Variants in TCEA2 observed in about 807,000 individuals in gnomAD.
TCEA2 encodes transcription elongation factor A protein 2.
A neutral mutation model predicts 40.8 loss-of-function variants in TCEA2; 21 were observed. That is an observed-to-expected ratio of 0.51 (90% CI 0.36 to 0.74). The LOEUF (loss-of-function observed/expected upper bound fraction) is 0.74. Ranked by LOEUF, TCEA2 falls within the 30% of genes least tolerant of loss-of-function variation. The pLI, the probability that TCEA2 is intolerant of heterozygous loss-of-function variation, is 0.00. For missense variants in TCEA2, 326 were observed against 426.5 expected (o/e 0.76, Z 2.08); for synonymous variants, 165 against 162.7 (o/e 1.01, Z -0.11).
At chr20:64,062,598 C>T (rs574281069), upstream of TCEA2, 1 of 152,364 alleles carries the variant, frequency 6.6e-6, no homozygotes, top group African/African-American at 2.4e-5. Flanking sequence ...CACGCAGCCT[C>T]GGCAGAGGCC....
chr20:64,060,000 C>T (rs371128720), upstream of TCEA2, among the ~76,000 whole-genome samples: 31 of 152,306 alleles, frequency 2.0e-4, no homozygotes, highest in African/African-American at 7.0e-4. Context: ...CCCCAGACCC[C>T]GCCCCACCAA....
At position 64,066,543 on chromosome 20, in the gene TCEA2, G is replaced by T; in HGVS notation, c.135+5G>T. On this transcript the variant is annotated splice_donor_5th_base_variant and intron_variant, in intron 2 of 9. Transcript: ENST00000343484. The stretch of plus-strand genomic sequence containing the variant: ...ATCACGCTGCACCTGCTCCAGGTAG[G>T]TCCCTGCCTGCCCCAGGTCCAGGAC... 6.2e-7 allele frequency: 1 copy of T among 1,613,134 alleles called. No homozygotes were observed. The highest frequency in any genetic ancestry group is 8.5e-7 in the Non-Finnish European group (1 of 1,179,466).
upstream of TCEA2, among the ~76,000 whole-genome samples, chr20:64,058,742 A>G (rs2145432589): frequency 6.6e-6 from 1 of 152,316 alleles, no homozygotes; most frequent in Middle Eastern, 3.4e-3. This position sits in a 1 kb window ranked among gnomAD's most constrained non-coding sequence, Gnocchi z 6.7. Flanking sequence ...GATGTGACTC[A>G]CTGAACAGCC....
chr20:64,069,817 G>C lies in TCEA2; in HGVS notation c.513G>C (p.Glu171Asp). 1 of 1,613,770 alleles carries C rather than the reference G, an allele frequency of 6.2e-7. No homozygotes were observed. The highest frequency in any genetic ancestry group is 1.1e-5 in the South Asian group (1 of 91,084). The change falls in exon 6 of 10, where the codon GAG (glutamate) becomes GAC (aspartate). Residue 171 changes from glutamate (E) to aspartate (D), a missense_variant. Glu to Asp is a conservative substitution (Grantham distance 45, BLOSUM62 2). Coordinates refer to ENST00000343484, the MANE Select transcript of TCEA2 (RefSeq NM_003195.6). ...GCGAGCGCCTGTCGGCTCAGATCGAGGAATATATCCTTTGGGTAGGGGCTG... is the reference window on the plus strand; with the variant it reads ...GCGAGCGCCTGTCGGCTCAGATCGACGAATATATCCTTTGGGTAGGGGCTG... ...ADCERLSAQI[E>D]ECIFRDVGNT...
intron 4 of TCEA2, 36 bp from the exon 5 acceptor site, chr20:64,069,324 CT>C: frequency 6.5e-7 from 1 of 1,538,768 alleles, no homozygotes; most frequent in Non-Finnish European, 8.8e-7. Flanking sequence ...TGCCTGCAGC[CT>C]TGAGTCTGAA....
chr20:64,068,105 G>A lies in TCEA2; in HGVS notation c.300G>A (p.Ser100=), dbSNP rs202246065. The stretch of plus-strand genomic sequence containing the variant: ...GGGGCATGCCTCTGCCCACGTCCTC[G>A]AGGGATGCCTCAGAGGCCCCGGATC... The part of the protein sequence containing the change: ...RGRGMPLPTS[S]RDASEAPDPS... Residue 100 remains serine, a synonymous_variant, in exon 4 of 10, where the codon TCG becomes TCA. Transcript: ENST00000343484. 470 of 1,609,642 alleles carry A rather than the reference G, an allele frequency of 2.9e-4. 3 individuals are homozygous for A. The East Asian group carries it at 9.7e-3, about 33-fold the overall frequency.
upstream of TCEA2, chr20:64,063,175 T>C (rs1489541513): frequency 1.1e-5 from 8 of 716,014 alleles, no homozygotes; most frequent in Non-Finnish European, 1.5e-5. Flanking sequence ...GGGCCGAGGG[T>C]TTGAACCGGG....
At chr20:64,070,684 T>A (rs1204605023) in intron 8 of TCEA2, 49 bp downstream of exon 8, 2 of 1,475,282 alleles carry the variant, frequency 1.4e-6, no homozygotes, top group South Asian at 2.7e-5. Context: ...CTTCAGGGCA[T>A]CTGGTGCCCC....
At chr20:64,060,135 G>C (rs1341619610), upstream of TCEA2, among the ~76,000 whole-genome samples, 1 of 152,198 alleles carries the variant, frequency 6.6e-6, no homozygotes, top group Non-Finnish European at 1.5e-5. Flanking sequence ...AGCTCTCTGG[G>C]GTTAGTTCTC....
intron 3 of TCEA2, among the ~76,000 whole-genome samples, chr20:64,067,434 CA>C (rs1195504304): frequency 6.6e-6 from 1 of 152,040 alleles, no homozygotes; most frequent in Non-Finnish European, 1.5e-5. Flanking sequence ...CTCAGCTACT[CA>C]GAGGGAACAG....
chr20:64,068,801 TG>T (rs2059756383), intron 4 of TCEA2, among the ~76,000 whole-genome samples: 1 of 152,264 alleles, frequency 6.6e-6, no homozygotes, highest in Non-Finnish European at 1.5e-5. Flanking sequence ...GGATGCAGCC[TG>T]GTCGTTGGGC....
rs924350416 is a variant in TCEA2 at position 64,058,006 on chromosome 20, G to A, written c.-84+355G>A. Among the ~76,000 whole-genome samples the A allele has an allele frequency of 1.3e-5, 2 of 152,192 alleles. No individual in the cohort carries two copies. The highest frequency in any genetic ancestry group is 4.8e-5 in the African/African-American group (2 of 41,454). The stretch of plus-strand genomic sequence containing the variant: ...GCCAGTCACCTGCCTCTGCCCGGGG[G>A]CGGGACCATCCCACCGGATTGCAGG... On this transcript the variant is annotated intron_variant, in intron 1 of 10. Coordinates refer to the TCEA2 transcript ENST00000361317. This position sits in a 1 kb window ranked among gnomAD's most constrained non-coding sequence, Gnocchi z 6.7.
At chr20:64,067,961 C>A in intron 3 of TCEA2, 86 bp from the exon 4 acceptor site, 3 of 1,024,866 alleles carry the variant, frequency 2.9e-6, no homozygotes, top group East Asian at 2.8e-5. Flanking sequence ...TGTTGGTGGT[C>A]GGGCTGAGGC....
intron 1 of TCEA2, chr20:64,065,968 G>C (rs1223048438): frequency 6.5e-6 from 1 of 154,608 alleles, no homozygotes; most frequent in East Asian, 1.9e-4. Flanking sequence ...TGATGTTCCT[G>C]GGTTGGCCCT....
chr20:64,063,480 G>A, intron 1 of TCEA2, 96 bp downstream of exon 1: 1 of 1,379,798 alleles, frequency 7.2e-7, no homozygotes, highest in South Asian at 1.3e-5. Context: ...ACGACCTGAG[G>A]GGCAGGACGA....
chr20:64,056,738 T>G, upstream of TCEA2: 1 of 152,140 alleles, frequency 6.6e-6, no homozygotes, highest in South Asian at 2.1e-4. Flanking sequence ...ATAAATGGCC[T>G]GAGTTTCCGA....
intron 9 of TCEA2, 65 bp downstream of exon 9, chr20:64,072,006 C>T (rs1342128893): frequency 6.2e-6 from 10 of 1,605,806 alleles, no homozygotes; most frequent in Non-Finnish European, 1.7e-6. Context: ...GTCTCAGCCT[C>T]TGTGGGGTCT....
At chr20:64,057,418 A>AGGCTCCCGCCTGCGTGTGTGCGT (rs2059486985) in exon 1 of TCEA2, 1 of 152,242 alleles carries the variant, frequency 6.6e-6, no homozygotes, top group South Asian at 2.1e-4. Flanking sequence ...CGTGTGTGCG[A>AGGCTCCCGCCTGCGTGTGTGCGT]GGCTCCCGCC....
At chr20:64,070,747 C>T (rs1569255748) in intron 8 of TCEA2, 112 bp downstream of exon 8, 2 of 1,405,972 alleles carry the variant, frequency 1.4e-6, no homozygotes, top group Non-Finnish European at 1.9e-6. Flanking sequence ...TCCCGAGCCT[C>T]TCAGTCCCTG....
Sources: gnomAD v4.1 joint callset for allele counts (sites outside exome capture counted in the v4.1 genomes callset) on GRCh38, gnomAD v4.1.1 for gene constraint, Gnocchi (gnomAD v3.1) non-coding constraint, MANE v1.5 for transcripts, NCBI Gene and HGNC (gene_info 2026-07-23, HGNC 2026-07-21) for gene names.